Variants in FAT3 observed in about 807,000 individuals in gnomAD.
The protein encoded by FAT3 is FAT atypical cadherin 3.
Under a neutral mutation model 310.2 loss-of-function variants are expected in FAT3, and 95 were observed. That is an observed-to-expected ratio of 0.31 (90% CI 0.26 to 0.36). The LOEUF (loss-of-function observed/expected upper bound fraction) is 0.36. Ranked by LOEUF, FAT3 falls within the 10% of genes least tolerant of loss-of-function variation. The pLI is 1.00. For synonymous variants in FAT3, 2,314 were observed against 2,192.9 expected (o/e 1.06, Z -1.54); for missense variants, 5,408 against 5,715.6 (o/e 0.95, Z 1.74).
chr11:92,571,385 G>A (rs1449471772), intron 3 of FAT3, among the ~76,000 whole-genome samples: 1 of 152,182 alleles, frequency 6.6e-6, no homozygotes, highest in Non-Finnish European at 1.5e-5. Flanking sequence ...CTCAGAATTA[G>A]TGACAAGCAG....
chr11:92,796,367 C>T (rs1261157092), intron 9 of FAT3, among the ~76,000 whole-genome samples: 1 of 152,112 alleles, frequency 6.6e-6, no homozygotes, highest in Non-Finnish European at 1.5e-5. Context: ...ATCAAAATGA[C>T]CTCTTTATTA....
intron 15 of FAT3, 49 bp from the exon 16 acceptor site, chr11:92,836,517 T>C: frequency 6.3e-7 from 1 of 1,594,280 alleles, no homozygotes; most frequent in Non-Finnish European, 8.5e-7. Flanking sequence ...AATCAACCTT[T>C]GCTGCCTTAT....
intron 1 of FAT3, among the ~76,000 whole-genome samples, chr11:92,289,732 A>G (rs1591059987): frequency 6.6e-6 from 1 of 151,604 alleles, no homozygotes; most frequent in African/African-American, 2.4e-5. Flanking sequence ...CTAATCCCTA[A>G]CCCTCAGCTT....
rs536965346 is a variant in FAT3 at position 92,825,857 on chromosome 11, G to A, written c.9482-5765G>A. 4.6e-5 allele frequency among the ~76,000 whole-genome samples: 7 copies of A among 152,176 alleles called. No individual in the cohort carries two copies. The East Asian group carries it at 7.8e-4, about 17-fold the overall frequency. ...TAAGGCAGTCTAGGCAAGAGAGAATGAGAGCCTCACCTGGCCACAAGACAT... is the reference window on the plus strand; with the variant it reads ...TAAGGCAGTCTAGGCAAGAGAGAATAAGAGCCTCACCTGGCCACAAGACAT... On this transcript the variant is annotated intron_variant, in intron 13 of 27. Transcript: ENST00000525166.
chr11:92,754,627 CAAAAAA>C (rs71064722), intron 4 of FAT3, among the ~76,000 whole-genome samples: 2 of 32,724 alleles, frequency 6.1e-5, no homozygotes, highest in African/African-American at 2.3e-4. Context: ...GACTCTGCCT[CAAAAAA>C]AAAAAAAAAA....
intron 2 of FAT3, among the ~76,000 whole-genome samples, chr11:92,408,516 A>G (rs543409049): frequency 2.7e-4 from 41 of 152,290 alleles, no homozygotes; most frequent in African/African-American, 9.9e-4. Flanking sequence ...TTGGAAGATG[A>G]CACTGAATTA....
At chr11:92,422,368 C>T (rs1298874932) in intron 2 of FAT3, among the ~76,000 whole-genome samples, 1 of 152,166 alleles carries the variant, frequency 6.6e-6, no homozygotes, top group South Asian at 2.1e-4. Context: ...CGCTGAGCCT[C>T]CTTCACTTTT....
chr11:92,701,475 C>G (rs1005948373), intron 4 of FAT3, among the ~76,000 whole-genome samples: 1 of 152,210 alleles, frequency 6.6e-6, no homozygotes, highest in Non-Finnish European at 1.5e-5. Context: ...CAGCAAAGAA[C>G]TGTAGGCAAA....
rs750502241 is a variant in FAT3 at position 92,857,204 on chromosome 11, T to C, written c.11366-10T>C. The C allele has an allele frequency of 4.3e-6, 7 of 1,613,778 alleles. No individual in the cohort carries two copies. In the African/African-American group the frequency reaches 9.3e-5, roughly 22 times the overall value. On this transcript the variant is annotated splice_polypyrimidine_tract_variant and intron_variant, in intron 19 of 27. Transcript: ENST00000525166. ...GTGTACTGATCATGCATATTCCACC[T>C]TTGTCACAGGAGGACTGTGTCCGGG... is the stretch of plus-strand genomic sequence containing the variant.
intron 12 of FAT3, among the ~76,000 whole-genome samples, chr11:92,808,972 T>G (rs1222084293): frequency 6.6e-6 from 1 of 152,132 alleles, no homozygotes; most frequent in African/African-American, 2.4e-5. Flanking sequence ...TATAGGTAGC[T>G]TCATCCAAAT....
chr11:92,437,773 A>G (rs1950973631), intron 2 of FAT3, among the ~76,000 whole-genome samples: 1 of 152,170 alleles, frequency 6.6e-6, no homozygotes, highest in African/African-American at 2.4e-5. Flanking sequence ...GTAAGAGACG[A>G]GATCTCAAAA....
chr11:92,318,064 G>A (rs535922043), intron 1 of FAT3, among the ~76,000 whole-genome samples: 2 of 152,142 alleles, frequency 1.3e-5, no homozygotes, highest in South Asian at 2.1e-4. Flanking sequence ...AAAGTACTTC[G>A]TAAAGTATTT....
intron 3 of FAT3, among the ~76,000 whole-genome samples, chr11:92,590,948 G>T (rs976832211): frequency 1.1e-4 from 16 of 152,192 alleles, no homozygotes; most frequent in Admixed American, 7.9e-4. Flanking sequence ...AGAAATGGAT[G>T]AGCCAACACA....
At chr11:92,562,706 T>C (rs1385247656) in intron 3 of FAT3, among the ~76,000 whole-genome samples, 1 of 152,294 alleles carries the variant, frequency 6.6e-6, no homozygotes, top group Non-Finnish European at 1.5e-5. Flanking sequence ...GACTCTGTTA[T>C]AATTCCTGGA....
intron 4 of FAT3, among the ~76,000 whole-genome samples, chr11:92,710,970 C>T (rs1435029024): frequency 2.0e-5 from 3 of 152,018 alleles, no homozygotes; most frequent in Middle Eastern, 3.4e-3. Flanking sequence ...CAATTATTTC[C>T]GATTATAGAA....
chr11:92,837,432 C>T (rs1948435192), intron 16 of FAT3, among the ~76,000 whole-genome samples: 1 of 152,140 alleles, frequency 6.6e-6, no homozygotes, highest in Admixed American at 6.6e-5. Flanking sequence ...TCCCACTTGA[C>T]AGAAGTCAGG....
intron 11 of FAT3, among the ~76,000 whole-genome samples, chr11:92,806,082 T>G (rs1279255733): frequency 1.3e-5 from 2 of 152,224 alleles, no homozygotes; most frequent in African/African-American, 4.8e-5. Context: ...AGAGTGGGGA[T>G]GTTCCTCTGT....
chr11:92,302,887 T>C (rs1295276142), intron 1 of FAT3, among the ~76,000 whole-genome samples: 4 of 152,178 alleles, frequency 2.6e-5, no homozygotes, highest in African/African-American at 9.6e-5. Context: ...TAATAACAAC[T>C]GTGGAAATAA....
At chr11:92,578,970 T>C (rs2076232999) in intron 3 of FAT3, among the ~76,000 whole-genome samples, 1 of 152,146 alleles carries the variant, frequency 6.6e-6, no homozygotes, top group African/African-American at 2.4e-5. Flanking sequence ...AGTTGTTATC[T>C]TGGTGACTGG....
Sources: allele counts gnomAD v4.1 joint callset (sites outside exome capture counted in the v4.1 genomes callset), GRCh38; gene constraint gnomAD v4.1.1; transcripts MANE v1.5; gene names NCBI Gene and HGNC (gene_info 2026-07-23, HGNC 2026-07-21).